Variants in TRPC4 observed in about 807,000 individuals in gnomAD.
TRPC4 encodes transient receptor potential cation channel subfamily C member 4.
TRPC4 carries 49 observed loss-of-function variants against 99.4 expected under a neutral mutation model. The ratio of observed to expected loss-of-function variants is 0.49; its 90% CI spans 0.39 to 0.63. The LOEUF is 0.63. TRPC4 is among the 20% of genes least tolerant of loss of function. The pLI is 0.00. For missense variants in TRPC4, 898 were observed against 1,152.9 expected (o/e 0.78, Z 3.20); for synonymous variants, 454 against 425.9 (o/e 1.07, Z -0.81).
chr13:37,845,704 G>C (rs531177977), intron 1 of TRPC4, among the ~76,000 whole-genome samples: 14 of 151,972 alleles, frequency 9.2e-5, no homozygotes, highest in African/African-American at 3.4e-4. Flanking sequence ...TTGCATAGTA[G>C]GAATTCATGA....
intron 3 of TRPC4, among the ~76,000 whole-genome samples, chr13:37,745,062 T>C (rs1203709316): frequency 6.6e-6 from 1 of 152,142 alleles, no homozygotes; most frequent in Non-Finnish European, 1.5e-5. Flanking sequence ...TAAAGTCTTT[T>C]ATTTTATTAA....
chr13:37,785,398 A>G (rs1241903745), intron 1 of TRPC4, among the ~76,000 whole-genome samples: 1 of 152,106 alleles, frequency 6.6e-6, no homozygotes, highest in Non-Finnish European at 1.5e-5. Flanking sequence ...TCATAATAAT[A>G]ATGACTGGTA....
chr13:37,748,786 A>G (rs1955855170), intron 2 of TRPC4, among the ~76,000 whole-genome samples: 1 of 151,972 alleles, frequency 6.6e-6, no homozygotes, highest in Non-Finnish European at 1.5e-5. Context: ...ATTTTTTTCA[A>G]AAAATAACAG....
chr13:37,809,105 T>TA (rs1172491521), intron 1 of TRPC4, among the ~76,000 whole-genome samples: 1 of 152,142 alleles, frequency 6.6e-6, no homozygotes, highest in Non-Finnish European at 1.5e-5. Context: ...TTTAATATTT[T>TA]AATGACAACT....
intron 5 of TRPC4, among the ~76,000 whole-genome samples, chr13:37,670,063 C>A (rs1362885165): frequency 2.0e-5 from 3 of 152,016 alleles, no homozygotes; most frequent in Admixed American, 6.5e-5. Flanking sequence ...ACCCCTTATG[C>A]CCCACCCCCA....
intron 1 of TRPC4, among the ~76,000 whole-genome samples, chr13:37,848,061 C>T (rs1449039978): frequency 6.6e-6 from 1 of 152,112 alleles, no homozygotes; most frequent in East Asian, 1.9e-4. Context: ...TTCAACTTTA[C>T]ATGAGTTTGC....
intron 2 of TRPC4, among the ~76,000 whole-genome samples, chr13:37,781,507 C>T (rs1229328692): frequency 6.6e-6 from 1 of 151,976 alleles, no homozygotes. Context: ...TCTGTATCTC[C>T]TTAGTGGTGA....
At chr13:37,684,045 G>C (rs2138829536) in intron 4 of TRPC4, among the ~76,000 whole-genome samples, 2 of 152,282 alleles carry the variant, frequency 1.3e-5, no homozygotes, top group Middle Eastern at 3.4e-3. Context: ...ATTCAAATAT[G>C]TTGAAGATCC....
chr13:37,794,173 T>C (rs778517776), intron 1 of TRPC4, among the ~76,000 whole-genome samples: 1 of 149,428 alleles, frequency 6.7e-6, no homozygotes, highest in African/African-American at 2.5e-5. Flanking sequence ...ACTACAGTTA[T>C]AATTAAGAAA....
intron 2 of TRPC4, among the ~76,000 whole-genome samples, chr13:37,777,643 C>A (rs1298240337): frequency 6.6e-6 from 1 of 151,970 alleles, no homozygotes; most frequent in African/African-American, 2.4e-5. Context: ...GATGCTTAAT[C>A]TTTTCACATA....
chr13:37,794,201 T>C (rs1402232468), intron 1 of TRPC4, among the ~76,000 whole-genome samples: 4 of 99,616 alleles, frequency 4.0e-5, no homozygotes, highest in African/African-American at 1.4e-4. Flanking sequence ...TATGGGTAAT[T>C]GGTGGTTTTT....
chr13:37,835,589 C>T (rs1057501380), intron 1 of TRPC4, among the ~76,000 whole-genome samples: 4 of 152,060 alleles, frequency 2.6e-5, no homozygotes, highest in East Asian at 3.9e-4. Context: ...GAAAGGAAGA[C>T]GTGTGCAGAC....
chr13:37,657,138 G>A (rs1952266609), intron 6 of TRPC4, among the ~76,000 whole-genome samples: 1 of 152,144 alleles, frequency 6.6e-6, no homozygotes, highest in Admixed American at 6.6e-5. Flanking sequence ...TTTTAAGACA[G>A]AAAATTTAAC....
intron 1 of TRPC4, among the ~76,000 whole-genome samples, chr13:37,830,582 C>T (rs1430628983): frequency 6.6e-6 from 1 of 151,356 alleles, no homozygotes; most frequent in East Asian, 1.9e-4. Flanking sequence ...CATGGTGGTG[C>T]ATGCCTGTAA....
chr13:37,825,592 A>T (rs1002812918), intron 1 of TRPC4, among the ~76,000 whole-genome samples: 6 of 146,380 alleles, frequency 4.1e-5, no homozygotes, highest in South Asian at 4.5e-4. Flanking sequence ...TTTGAGTGAG[A>T]TTCTTAATCC....
At chr13:37,768,096 A>G (rs1361572156) in intron 2 of TRPC4, among the ~76,000 whole-genome samples, 1 of 151,500 alleles carries the variant, frequency 6.6e-6, no homozygotes, top group East Asian at 1.9e-4. Context: ...CATAAAGAAG[A>G]ATTAACAAAT....
chr13:37,658,432 T>A (rs1952316511), intron 6 of TRPC4, among the ~76,000 whole-genome samples: 1 of 152,180 alleles, frequency 6.6e-6, no homozygotes, highest in African/African-American at 2.4e-5. Context: ...AAAAGTAATG[T>A]ATTCCATTGT....
intron 3 of TRPC4, among the ~76,000 whole-genome samples, chr13:37,732,860 T>C (rs1279196285): frequency 1.3e-5 from 2 of 152,122 alleles, no homozygotes; most frequent in African/African-American, 4.8e-5. Flanking sequence ...AGATCAAAAT[T>C]AATATAATTA....
intron 1 of TRPC4, among the ~76,000 whole-genome samples, chr13:37,784,128 T>C (rs1294553101): frequency 6.6e-6 from 1 of 152,112 alleles, no homozygotes; most frequent in African/African-American, 2.4e-5. Flanking sequence ...TGTGAGTTCA[T>C]TGAGGGGGAA....
Sources: allele counts gnomAD v4.1 joint callset (sites outside exome capture counted in the v4.1 genomes callset), GRCh38; gene constraint gnomAD v4.1.1; transcripts MANE v1.5; gene names NCBI Gene and HGNC (gene_info 2026-07-23, HGNC 2026-07-21).